Variants in HAUS7 observed in about 807,000 individuals in gnomAD.
HAUS7 encodes the protein HAUS augmin-like complex subunit 7.
In HAUS7, 3 loss-of-function variants were observed where a neutral mutation model predicts 28.4. That is an observed-to-expected ratio of 0.11 (90% CI 0.05 to 0.27). HAUS7 has a LOEUF of 0.27. Among genes scored for constraint, HAUS7 ranks in the 10% least tolerant of loss-of-function variants. The probability of loss-of-function intolerance (pLI) is 1.00; values close to 1 mark genes in which losing one functional copy is unlikely to be tolerated. For synonymous variants in HAUS7, 165 were observed against 132.1 expected, an observed-to-expected ratio of 1.25 and a Z score of -1.71; for missense variants, 284 against 297.3, an observed-to-expected ratio of 0.96 and a Z score of 0.33.
upstream of HAUS7, among the ~76,000 whole-genome samples, chrX:153,472,294 G>A (rs782236680): frequency 3.6e-5 from 4 of 112,114 alleles, no homozygotes; most frequent in Non-Finnish European, 5.6e-5. Context: ...CTTGAGAGGC[G>A]AAGATCATCT....
chrX:153,471,414 C>T (rs2089523019), upstream of HAUS7, among the ~76,000 whole-genome samples: 1 of 112,588 alleles, frequency 8.9e-6, no homozygotes, highest in Non-Finnish European at 1.9e-5. Flanking sequence ...CCTGTGGCTC[C>T]TTCCTATCCT....
chrX:153,459,726 T>C (rs2089363233), intron 4 of HAUS7, among the ~76,000 whole-genome samples: 1 of 112,406 alleles, frequency 8.9e-6, no homozygotes. Flanking sequence ...TGTAAAAATA[T>C]ATGCGGAGGA....
intron 9 of HAUS7, among the ~76,000 whole-genome samples, chrX:153,449,022 G>C (rs1482783536): frequency 1.8e-5 from 2 of 111,870 alleles, no homozygotes; most frequent in Non-Finnish European, 3.8e-5. Flanking sequence ...TTGGCTGCCC[G>C]GCCCAGTGGC....
At position 153,455,641 on chromosome X, in the gene HAUS7, G is replaced by A. The variant is rs371952440; in HGVS notation, c.831C>T (p.Asp277=). The part of the protein sequence containing the change: ...QLILAFLQVY[D]DELGECCQRP... ...GCTGGCAGCACTCGCCCAGCTCGTC[G>A]TCGTAGACTTGGAGAAAAGCCAAGA... Residue 277 remains aspartate (D), a synonymous_variant, in exon 8 of 10, where the codon GAC becomes GAT. Coordinates refer to ENST00000370211, the MANE Select transcript of HAUS7 (RefSeq NM_001385482.1). 2.3e-4 allele frequency: 273 copies of A among 1,206,868 alleles called. No individual in the cohort carries two copies. Among genetic ancestry groups the A allele is most frequent in the Admixed American group, 3.9e-4 (18 of 45,961 alleles).
chrX:153,491,612 C>T, intron 1 of HAUS7, among the ~76,000 whole-genome samples: 1 of 113,266 alleles, frequency 8.8e-6, no homozygotes, highest in East Asian at 2.8e-4. Context: ...GGGCGCTGTC[C>T]CAGGCAGGCT....
intron 3 of HAUS7, 66 bp downstream of exon 3, chrX:153,464,922 G>A (rs2089437407): frequency 2.6e-6 from 2 of 765,545 alleles, no homozygotes; most frequent in Admixed American, 4.5e-5. Context: ...TGGTCCAATG[G>A]AACATGCACC....
At chrX:153,473,098 G>T (rs1428824473), upstream of HAUS7, among the ~76,000 whole-genome samples, 2 of 112,128 alleles carry the variant, frequency 1.8e-5, no homozygotes, top group Non-Finnish European at 3.8e-5. Context: ...GAGATATATG[G>T]CCAAACAGTT....
chrX:153,474,744 C>T (rs1602948491), upstream of HAUS7, among the ~76,000 whole-genome samples: 1 of 93,619 alleles, frequency 1.1e-5, no homozygotes, highest in South Asian at 5.3e-4. Context: ...GGCGCGGGCG[C>T]TGGCGCGGGA....
intron 1 of HAUS7, chrX:153,481,737 C>T (rs782605293): frequency 1.7e-4 from 122 of 733,081 alleles, no homozygotes; most frequent in Middle Eastern, 7.9e-4. Context: ...CCTGAGCAGC[C>T]CTGTCTGGTG....
At chrX:153,467,680 A>G (rs1235420468) in intron 2 of HAUS7, among the ~76,000 whole-genome samples, 4 of 112,667 alleles carry the variant, frequency 3.6e-5, no homozygotes, top group African/African-American at 6.5e-5. Flanking sequence ...CCAGCTCCTG[A>G]GGACACCCAG....
chrX:153,470,859 G>A (rs1556985152), upstream of HAUS7: 4 of 380,521 alleles, frequency 1.1e-5, no homozygotes, highest in Admixed American at 8.9e-5. Context: ...ACCGGGAAAG[G>A]GGCGGGGCGG....
chrX:153,451,193 A>G (rs1445374198), intron 9 of HAUS7, among the ~76,000 whole-genome samples: 10 of 112,156 alleles, frequency 8.9e-5, no homozygotes, highest in African/African-American at 3.2e-4. Context: ...AAGAACAGAT[A>G]CTACACTTGA....
chrX:153,467,508 C>T lies in HAUS7; in HGVS notation c.224+1638G>A, dbSNP rs1180966396. Among the ~76,000 whole-genome samples, 4 of 111,744 alleles carry T rather than the reference C, an allele frequency of 3.6e-5. No homozygotes were observed. The Admixed American group carries it at 3.8e-4, about 11-fold the overall frequency. Reference sequence around the variant, plus strand: ...TGCTGCTGCCCAGCTCTCTCTCCCACACCTCAACTCCCTGCTCCTGTCCAA... The same window carrying T: ...TGCTGCTGCCCAGCTCTCTCTCCCATACCTCAACTCCCTGCTCCTGTCCAA... On this transcript the variant is annotated intron_variant, in intron 2 of 9. Transcript: ENST00000370211.
intron 1 of HAUS7, among the ~76,000 whole-genome samples, chrX:153,490,800 C>T (rs934840510): frequency 2.7e-5 from 3 of 112,781 alleles, no homozygotes; most frequent in African/African-American, 9.6e-5. Flanking sequence ...CAATGACAGG[C>T]GGCCTCAGGG....
At chrX:153,474,080 C>T (rs1434408742), upstream of HAUS7, among the ~76,000 whole-genome samples, 1 of 112,533 alleles carries the variant, frequency 8.9e-6, no homozygotes. Flanking sequence ...CTTGGGGGAG[C>T]CCTGCGGCCT....
At chrX:153,470,766 C>T, upstream of HAUS7, 1 of 506,388 alleles carries the variant, frequency 2.0e-6, no homozygotes, top group Non-Finnish European at 3.3e-6. Flanking sequence ...CACAGTGAAG[C>T]GGGCAGGGCG....
At chrX:153,460,561 A>T (rs979635913) in intron 4 of HAUS7, among the ~76,000 whole-genome samples, 14 of 101,855 alleles carry the variant, frequency 1.4e-4, no homozygotes, top group African/African-American at 4.6e-4. Context: ...TTTTTAAATT[A>T]AAAAAAAAAA....
Position 153,485,946 on chromosome X carries a change from AGGCTGAC to A in HAUS7, c.-589+9421_-589+9427del, listed in dbSNP as rs1556988426. ...CTGCACCTGTCCCACAACAGGCTGC[AGGCTGAC>A]GGCATCCACAGCGTGTCCTTCCTGG... On this transcript the variant is annotated intron_variant, in intron 1 of 5. Transcript: ENST00000370210. The A allele has an allele frequency of 5.1e-6, 5 of 971,841 alleles. No individual in the cohort carries two copies. In the East Asian group the frequency reaches 3.9e-4, roughly 75 times the overall value. 80.1% of individuals were successfully genotyped at this position (971,841 alleles called of 1,213,427 possible). A position where few individuals can be genotyped will look rare whatever the true frequency, so the allele number is the denominator to read the frequency against.
chrX:153,470,404 C>T lies in HAUS7; in HGVS notation c.108+46G>A, dbSNP rs2089506344. 3 of 1,180,110 alleles carry T rather than the reference C, an allele frequency of 2.5e-6. No individual in the cohort carries two copies. In the East Asian group the frequency reaches 9.1e-5, roughly 36 times the overall value. On this transcript the variant is annotated intron_variant, in intron 1 of 9. Transcript: ENST00000370211. ...AGCCCTCCCGGGCCTCGGGCGGGGC[C>T]CTCCCCGGTCCCCCGCCCTGGAGTG...
Sources: allele counts gnomAD v4.1 joint callset (sites outside exome capture counted in the v4.1 genomes callset), GRCh38; gene constraint gnomAD v4.1.1; transcripts MANE v1.5; gene names NCBI Gene and HGNC (gene_info 2026-07-23, HGNC 2026-07-21).